GRM8: variants seen among roughly 807,000 people sequenced by gnomAD.
GRM8 encodes metabotropic glutamate receptor 8.
A neutral mutation model predicts 87.2 loss-of-function variants in GRM8; 47 were observed. The ratio of observed to expected loss-of-function variants is 0.54; its 90% CI spans 0.43 to 0.69. The LOEUF (loss-of-function observed/expected upper bound fraction) is 0.69, where lower values mean the gene tolerates loss of function less well. GRM8 is among the 30% of genes least tolerant of loss of function. The pLI is 0.00. For missense variants in GRM8, 1,019 were observed against 1,139.2 expected (o/e 0.89, Z 1.52); for synonymous variants, 396 against 404.5 (o/e 0.98, Z 0.25).
At chr7:126,544,069 T>C (rs1240858609) in intron 8 of GRM8, among the ~76,000 whole-genome samples, 1 of 152,318 alleles carries the variant, frequency 6.6e-6, no homozygotes, top group Admixed American at 6.5e-5. Flanking sequence ...TCCTCCTCTG[T>C]ATTTCATCCT....
At chr7:126,507,776 G>C (rs1472145524) in intron 9 of GRM8, among the ~76,000 whole-genome samples, 1 of 151,948 alleles carries the variant, frequency 6.6e-6, no homozygotes, top group Non-Finnish European at 1.5e-5. Context: ...TTTCGAGCTT[G>C]TCTATTCTTT....
At chr7:126,524,243 T>G (rs1285441463) in intron 9 of GRM8, among the ~76,000 whole-genome samples, 2 of 152,166 alleles carry the variant, frequency 1.3e-5, no homozygotes, top group Non-Finnish European at 2.9e-5. Flanking sequence ...CTGACATGCC[T>G]TTTTTTGGAT....
intron 6 of GRM8, among the ~76,000 whole-genome samples, chr7:126,785,592 AAAGACCCGGGTCTTTT>A (rs1348054742): frequency 6.6e-6 from 1 of 152,006 alleles, no homozygotes; most frequent in Non-Finnish European, 1.5e-5. Flanking sequence ...ACCTTTCTTA[AAAGACCCGGGTCTTTT>A]AAGACCCAGG....
intron 6 of GRM8, among the ~76,000 whole-genome samples, chr7:126,855,712 G>A (rs1174478551): frequency 6.6e-6 from 1 of 152,028 alleles, no homozygotes; most frequent in Non-Finnish European, 1.5e-5. Context: ...CTGACCTGAA[G>A]TGATAAACCG....
chr7:127,229,803 G>A (rs568411068), intron 2 of GRM8: 5 of 152,218 alleles, frequency 3.3e-5, no homozygotes, highest in African/African-American at 1.2e-4. Context: ...GACAGTGTAG[G>A]TATGATTACT....
intron 7 of GRM8, among the ~76,000 whole-genome samples, 167 bp downstream of exon 7, chr7:126,769,696 AAT>A (rs1390438773): frequency 1.3e-5 from 2 of 152,134 alleles, no homozygotes; most frequent in Admixed American, 1.3e-4. Context: ...TAGCATAAAA[AAT>A]ATGTTTGAGA....
At chr7:126,703,473 T>C (rs140132477) in intron 7 of GRM8, among the ~76,000 whole-genome samples, 30 of 152,302 alleles carry the variant, frequency 2.0e-4, no homozygotes, top group Non-Finnish European at 4.3e-4. Context: ...CAGTTTTCCA[T>C]GGAAATCCTC....
chr7:126,714,191 T>C (rs974094200), intron 7 of GRM8, among the ~76,000 whole-genome samples: 3 of 150,718 alleles, frequency 2.0e-5, no homozygotes. Context: ...GGCAGGGGGA[T>C]TGCTTGAAGC....
At chr7:126,620,052 A>G (rs1799952368) in intron 7 of GRM8, among the ~76,000 whole-genome samples, 1 of 109,714 alleles carries the variant, frequency 9.1e-6, no homozygotes, top group South Asian at 3.4e-4. Context: ...TACTTTGGGA[A>G]TCTGAGGTAG....
chr7:126,895,239 G>A (rs1349052797), intron 6 of GRM8, among the ~76,000 whole-genome samples: 1 of 152,026 alleles, frequency 6.6e-6, no homozygotes, highest in Non-Finnish European at 1.5e-5. Flanking sequence ...CAATGTATAG[G>A]TCAAGTCTTG....
At chr7:126,878,521 T>TC (rs1177366110) in intron 6 of GRM8, among the ~76,000 whole-genome samples, 6 of 128,482 alleles carry the variant, frequency 4.7e-5, no homozygotes, top group South Asian at 2.2e-4. Context: ...GTCTTCTTCT[T>TC]TTTTTTTTTT....
At chr7:126,624,932 A>G (rs1285613349) in intron 7 of GRM8, among the ~76,000 whole-genome samples, 1 of 152,232 alleles carries the variant, frequency 6.6e-6, no homozygotes, top group Non-Finnish European at 1.5e-5. Flanking sequence ...TATCCGTGCT[A>G]CTAACCTGTT....
At chr7:127,158,804 CAA>C (rs34256368) in intron 2 of GRM8, among the ~76,000 whole-genome samples, 34 of 144,246 alleles carry the variant, frequency 2.4e-4, no homozygotes, top group Non-Finnish European at 3.8e-4. Context: ...CCATCTATAC[CAA>C]AAAAAAAAAA....
intron 6 of GRM8, among the ~76,000 whole-genome samples, chr7:126,864,733 A>C (rs2130845770): frequency 6.6e-6 from 1 of 152,062 alleles, no homozygotes; most frequent in Non-Finnish European, 1.5e-5. Context: ...TCATTTTCTG[A>C]TATTGCAATT....
chr7:126,721,988 C>A (rs1812439890), intron 7 of GRM8, among the ~76,000 whole-genome samples: 1 of 152,106 alleles, frequency 6.6e-6, no homozygotes, highest in African/African-American at 2.4e-5. Context: ...AACACTTAAG[C>A]AGAGGGACAT....
intron 6 of GRM8, among the ~76,000 whole-genome samples, chr7:126,787,602 C>A (rs759422672): frequency 6.6e-6 from 1 of 152,142 alleles, no homozygotes; most frequent in Non-Finnish European, 1.5e-5. Context: ...TCTCAAACTT[C>A]CTCTTTTCCT....
Position 127,242,850 on chromosome 7 carries a change from A to C in GRM8, c.355T>G (p.Phe119Val), listed in dbSNP as rs1798386303. 6.2e-7 allele frequency: 1 copy of C among 1,614,018 alleles called. No individual in the cohort carries two copies. The highest frequency in any genetic ancestry group is 1.1e-5 in the South Asian group (1 of 91,086). The change falls in exon 2 of 11, where the codon TTC (phenylalanine) becomes GTC (valine). Residue 119 changes from phenylalanine (F) to valine (V), a missense_variant. Transcript: ENST00000339582. ...TCTTTCTCTATTAATGCCTGCACGA[A>C]TGTTAGAGACTGCTCCAAAGCATAG... Reference protein sequence around the residue: ...DTYALEQSLTFVQALIEKDAS... With the variant: ...DTYALEQSLTVVQALIEKDAS...
chr7:126,810,443 G>T (rs1231935234), intron 6 of GRM8, among the ~76,000 whole-genome samples: 1 of 152,160 alleles, frequency 6.6e-6, no homozygotes, highest in East Asian at 1.9e-4. Flanking sequence ...TGACCCGGTT[G>T]CACAGACTTA....
At chr7:127,072,252 G>A (rs552035230) in intron 3 of GRM8, among the ~76,000 whole-genome samples, 86 of 152,260 alleles carry the variant, frequency 5.6e-4, no homozygotes, top group South Asian at 1.2e-3. Context: ...GCATTTGAGG[G>A]TGTCAGAAGC....
Sources: gnomAD v4.1 joint callset for allele counts (sites outside exome capture counted in the v4.1 genomes callset) on GRCh38, gnomAD v4.1.1 for gene constraint, MANE v1.5 for transcripts, NCBI Gene and HGNC (gene_info 2026-07-23, HGNC 2026-07-21) for gene names.